Variants in POLR2F observed in about 807,000 individuals in gnomAD.
POLR2F encodes DNA-directed RNA polymerases I, II, and III subunit RPABC2.
A neutral mutation model predicts 22.7 loss-of-function variants in POLR2F; 12 were observed. The observed-to-expected ratio is 0.53, with a 90% confidence interval of 0.34 to 0.86. The LOEUF (loss-of-function observed/expected upper bound fraction) is 0.86. Among genes scored for constraint, POLR2F ranks in the 40% least tolerant of loss-of-function variants. POLR2F has a pLI of 0.02. For synonymous variants in POLR2F, 57 were observed against 66.0 expected, an observed-to-expected ratio of 0.86 and a Z score of 0.66; for missense variants, 126 against 171.5, an observed-to-expected ratio of 0.73 and a Z score of 1.48.
chr22:38,015,607 G>A (rs2084909274), intron 1 of POLR2F, among the ~76,000 whole-genome samples: 1 of 152,176 alleles, frequency 6.6e-6, no homozygotes, highest in Non-Finnish European at 1.5e-5. Flanking sequence ...TAGGAGCCCT[G>A]GGTTGGAATC....
chr22:38,023,251 G>A (rs1250962791), intron 1 of POLR2F, among the ~76,000 whole-genome samples: 1 of 152,100 alleles, frequency 6.6e-6, no homozygotes, highest in African/African-American at 2.4e-5. Flanking sequence ...ACACGTCACT[G>A]TGCACCCATC....
intron 1 of POLR2F, among the ~76,000 whole-genome samples, chr22:37,990,577 G>C (rs1286315634): frequency 6.6e-6 from 1 of 152,244 alleles, no homozygotes; most frequent in African/African-American, 2.4e-5. Flanking sequence ...TGGGAGGTGA[G>C]AGAGACCAGA....
chr22:38,038,361 T>C (rs2085136344), intron 5 of POLR2F, among the ~76,000 whole-genome samples: 1 of 151,852 alleles, frequency 6.6e-6, no homozygotes, highest in South Asian at 2.1e-4. Flanking sequence ...GCAAGCAGCT[T>C]GGGGGAAAGG....
At chr22:37,987,164 C>T (rs777772494) in intron 1 of POLR2F, 5 of 456,574 alleles carry the variant, frequency 1.1e-5, no homozygotes, top group Non-Finnish European at 1.8e-5. Context: ...GGTGTTTATT[C>T]TGCAGCAGAG....
chr22:38,012,347 G>T (rs369436802), intron 1 of POLR2F, among the ~76,000 whole-genome samples: 1 of 152,280 alleles, frequency 6.6e-6, no homozygotes, highest in East Asian at 1.9e-4. Context: ...CTCCCAAAGT[G>T]CTGGGTCTAC....
chr22:38,039,754 G>C (rs1481847398), intron 5 of POLR2F, among the ~76,000 whole-genome samples: 1 of 152,254 alleles, frequency 6.6e-6, no homozygotes, highest in Non-Finnish European at 1.5e-5. Context: ...CGAGCACCCG[G>C]AACTGGACGG....
In POLR2F at chr22:37,978,082, C is replaced by T. The variant is rs750566714; in HGVS notation, c.293+10912C>T. ...CGGGTGGTCTTTCTTGTGCTGCATA[C>T]GGAGCCGCTCAGCCTCCTCGATGAA... On this transcript the variant is annotated intron_variant, in intron 4 of 4. Coordinates refer to the POLR2F transcript ENST00000405557. The surrounding 1 kb of genome is among the most constrained non-coding windows in gnomAD (Gnocchi z 5.0). 1.2e-6 allele frequency: 2 copies of T among 1,602,006 alleles called. No individual in the cohort carries two copies. Among genetic ancestry groups the T allele is most frequent in the African/African-American group, 1.3e-5 (1 of 74,750 alleles).
rs912281986 is a variant in POLR2F at position 37,967,850 on chromosome 22, G to A, written c.*135G>A. The A allele has an allele frequency of 8.4e-6, 12 of 1,427,880 alleles. No homozygotes were observed. The highest frequency in any genetic ancestry group is 5.8e-5 in the Admixed American group (2 of 34,518). 88.5% of individuals were successfully genotyped at this position (1,427,880 alleles called of 1,614,324 possible). A position where few individuals can be genotyped will look rare whatever the true frequency, so the allele number is the denominator to read the frequency against. On this transcript the variant is annotated 3_prime_UTR_variant, in exon 5 of 5. Transcript: ENST00000442738. ...CAATGTCACCACCTGTTGCTTCCCC[G>A]TTACCGCCATGCTGCGTGGAGCATG...
intron 3 of POLR2F, among the ~76,000 whole-genome samples, chr22:37,965,108 C>A (rs995674815): frequency 2.6e-5 from 4 of 152,040 alleles, no homozygotes; most frequent in Non-Finnish European, 2.9e-5. Context: ...CTGGTTCAAG[C>A]GATTCTCATG....
At chr22:37,990,449 T>C (rs1274223044) in intron 1 of POLR2F, among the ~76,000 whole-genome samples, 2 of 152,266 alleles carry the variant, frequency 1.3e-5, no homozygotes, top group African/African-American at 2.4e-5. Context: ...TGCCCATTCC[T>C]GCCATCTGTC....
rs147973086 is a variant in POLR2F at position 38,035,494 on chromosome 22, C to T, written c.453-5574C>T. 3.5e-3 allele frequency among the ~76,000 whole-genome samples: 527 copies of T among 152,270 alleles called. 5 individuals carry two copies. The highest frequency in any genetic ancestry group is 0.012 in the African/African-American group (506 of 41,550). ...CAGGGCAGGGGGCCTGGCAGGAGCA[C>T]GTTTCTTTTCTGTTCATTTGCAATC... On this transcript the variant is annotated intron_variant, in intron 5 of 5. Coordinates refer to the POLR2F transcript ENST00000407936.
intron 5 of POLR2F, chr22:38,040,986 A>G: frequency 6.2e-7 from 1 of 1,602,264 alleles, no homozygotes; most frequent in South Asian, 1.1e-5. Context: ...CAAAGGCTGA[A>G]GTTCTTCATG....
chr22:38,005,327 A>G (rs996157542), intron 1 of POLR2F, among the ~76,000 whole-genome samples: 1 of 152,204 alleles, frequency 6.6e-6, no homozygotes, highest in Non-Finnish European at 1.5e-5. Flanking sequence ...GTTTCAGCAT[A>G]TTGGTCAGGC....
chr22:38,038,024 C>T (rs569196559), intron 5 of POLR2F, among the ~76,000 whole-genome samples: 2 of 151,472 alleles, frequency 1.3e-5, no homozygotes, highest in Non-Finnish European at 2.9e-5. Flanking sequence ...AGTAGGTGCT[C>T]ATGAACAGTA....
At chr22:37,973,664 T>C (rs773597882), downstream of POLR2F, 2 of 1,613,612 alleles carry the variant, frequency 1.2e-6, no homozygotes, top group South Asian at 1.1e-5. Flanking sequence ...GTGGCCATAA[T>C]AGGGTCCTGA....
chr22:37,983,527 C>T (rs150851799), upstream of POLR2F: 21 of 1,609,982 alleles, frequency 1.3e-5, no homozygotes, highest in African/African-American at 2.4e-4. The surrounding 1 kb of genome is among the most constrained non-coding windows in gnomAD (Gnocchi z 9.5). Context: ...TGGGCACCAG[C>T]GTCCAGTCGT....
chr22:37,958,262 C>T (rs1478707687), intron 2 of POLR2F: 1 of 150,732 alleles, frequency 6.6e-6, no homozygotes, highest in Non-Finnish European at 1.5e-5. Flanking sequence ...GATGTTGACT[C>T]ACTGCAAGCT....
intron 5 of POLR2F, among the ~76,000 whole-genome samples, chr22:38,038,791 C>T (rs926254585): frequency 6.6e-6 from 1 of 151,558 alleles, no homozygotes; most frequent in Admixed American, 6.6e-5. Context: ...CCCTCCTCCC[C>T]CCGCCGGCGC....
chr22:38,039,725 G>A (rs1273528547), intron 5 of POLR2F, among the ~76,000 whole-genome samples: 1 of 152,234 alleles, frequency 6.6e-6, no homozygotes, highest in Non-Finnish European at 1.5e-5. Flanking sequence ...GCCGCGCACA[G>A]ACACCCAGAG....
Sources: allele counts gnomAD v4.1 joint callset (sites outside exome capture counted in the v4.1 genomes callset), GRCh38; gene constraint gnomAD v4.1.1; non-coding constraint Gnocchi (gnomAD v3.1); transcripts MANE v1.5; gene names NCBI Gene and HGNC (gene_info 2026-07-23, HGNC 2026-07-21).